Variants in NT5DC4 observed in about 807,000 individuals in gnomAD.
The protein encoded by NT5DC4 is 5'-nucleotidase domain-containing protein 4.
A neutral mutation model predicts 26.6 loss-of-function variants in NT5DC4; 44 were observed. That is an observed-to-expected ratio of 1.65 (90% CI 1.30 to 2.13). The LOEUF is 2.13. Ranked by LOEUF, NT5DC4 falls within the 30% of genes most tolerant of loss-of-function variation. The probability of loss-of-function intolerance (pLI) is 0.00; values close to 1 mark genes in which losing one functional copy is unlikely to be tolerated. For missense variants in NT5DC4, 399 were observed against 228.1 expected (o/e 1.75, Z -4.83); for synonymous variants, 157 against 86.7 (o/e 1.81, Z -4.51).
At chr2:112,737,470 TTAA>T (rs1202303279) in intron 16 of NT5DC4, 2 of 152,352 alleles carry the variant, frequency 1.3e-5, no homozygotes, top group South Asian at 2.1e-4. Flanking sequence ...ATTCTTATGA[TTAA>T]TGATGCTGAA....
In NT5DC4 at chr2:112,722,552, G is replaced by GT; in HGVS notation, c.433dup (p.Cys145LeufsTer13). 1 of 717,480 alleles carries GT rather than the reference G, an allele frequency of 1.4e-6. No homozygotes were observed. Among genetic ancestry groups the GT allele is most frequent in the Non-Finnish European group, 2.6e-6 (1 of 385,094 alleles). 44.4% of individuals were successfully genotyped at this position (717,480 alleles called of 1,614,324 possible). On this transcript the variant is annotated frameshift_variant, in exon 5 of 17. Transcript: ENST00000688554. LOFTEE classifies it high-confidence loss of function. The stretch of plus-strand genomic sequence containing the variant: ...AGTTCATTCAGAGGGACGACCTGCA[G>GT]TGTTTCTACATACTCAACATGCTCT...
intron 16 of NT5DC4, among the ~76,000 whole-genome samples, chr2:112,731,992 G>A (rs565308757): frequency 5.4e-4 from 77 of 143,874 alleles, no homozygotes; most frequent in African/African-American, 1.9e-3. Flanking sequence ...GCACGATCTC[G>A]GCTCCACCTC....
chr2:112,724,749 G>A, intron 10 of NT5DC4, 32 bp from the exon 11 acceptor site: 1 of 715,808 alleles, frequency 1.4e-6, no homozygotes, highest in Non-Finnish European at 2.6e-6. Flanking sequence ...TTACCAGGCT[G>A]TGTGTGTGCA....
At chr2:112,735,313 G>A (rs972796389) in intron 16 of NT5DC4, among the ~76,000 whole-genome samples, 4 of 152,066 alleles carry the variant, frequency 2.6e-5, no homozygotes, top group Non-Finnish European at 5.9e-5. Flanking sequence ...CAAAGTGCTG[G>A]GATTACAGGC....
intron 10 of NT5DC4, chr2:112,724,536 G>C: frequency 1.7e-6 from 1 of 583,422 alleles, no homozygotes; most frequent in South Asian, 2.0e-5. Context: ...GCTGTGAGGA[G>C]CTCTGGAGCC....
chr2:112,735,648 C>A (rs1679055673), intron 16 of NT5DC4, among the ~76,000 whole-genome samples: 1 of 152,178 alleles, frequency 6.6e-6, no homozygotes, highest in Admixed American at 6.5e-5. Flanking sequence ...TTCCTTCCCA[C>A]TCTCCCTCCT....
At chr2:112,719,961 TCTTTCTTTCTTTC>T (rs1676720986), upstream of NT5DC4, among the ~76,000 whole-genome samples, 1 of 128,384 alleles carries the variant, frequency 7.8e-6, no homozygotes, top group Non-Finnish European at 1.6e-5. Context: ...TTTCTTTCTT[TCTTTCTTTCTTTC>T]TTTCTTTCTT....
upstream of NT5DC4, among the ~76,000 whole-genome samples, chr2:112,720,012 C>CCCTT (rs770903380): frequency 0.077 from 7,532 of 97,628 alleles, 543 homozygotes; most frequent in Admixed American, 0.098. Flanking sequence ...CTTTTCTTTT[C>CCCTT]CCTTCCTTCC....
intron 16 of NT5DC4, chr2:112,738,655 TC>T: frequency 1.6e-6 from 1 of 606,316 alleles, no homozygotes. Context: ...GCAAAGATTT[TC>T]CCATGGGGAG....
rs746097938 is a variant in NT5DC4 at position 112,724,075 on chromosome 2, G to T, written c.757-19G>T. On this transcript the variant is annotated intron_variant, in intron 9 of 16. Transcript: ENST00000688554. ...GGTGGCCCAAGCTTGGTGCCCTGACGCTGCCTTGTCCTTGCCAGGCCATCA... is the reference window on the plus strand; with the variant it reads ...GGTGGCCCAAGCTTGGTGCCCTGACTCTGCCTTGTCCTTGCCAGGCCATCA... 2.8e-6 allele frequency: 2 copies of T among 716,974 alleles called. No homozygotes were observed. Among genetic ancestry groups the T allele is most frequent in the African/African-American group, 1.7e-5 (1 of 57,228 alleles). The allele number at this position is 716,974 out of a possible 1,614,324, so 44.4% of individuals were successfully genotyped here.
upstream of NT5DC4, among the ~76,000 whole-genome samples, chr2:112,719,982 CTTTCT>C (rs1676735946): frequency 1.4e-3 from 110 of 79,332 alleles, no homozygotes; most frequent in African/African-American, 4.6e-3. Context: ...TTCTTTCTTT[CTTTCT>C]TTTTCTTTTC....
chr2:112,740,904 CCT>C (rs1165036916), downstream of NT5DC4: 3 of 1,613,844 alleles, frequency 1.9e-6, no homozygotes, highest in Admixed American at 1.7e-5. Flanking sequence ...TGACTTGTTC[CCT>C]CTCTTTTGGA....
At chr2:112,742,422 CA>C, downstream of NT5DC4, 2 of 717,590 alleles carry the variant, frequency 2.8e-6, no homozygotes. Flanking sequence ...TCTCTTCCAG[CA>C]AAGAGCTGTT....
intron 14 of NT5DC4, 96 bp from the exon 15 acceptor site, chr2:112,726,582 G>A (rs1171342920): frequency 4.2e-6 from 3 of 710,226 alleles, no homozygotes; most frequent in African/African-American, 1.8e-5. Context: ...CCCGCACGGT[G>A]TCCCCCCACC....
intron 15 of NT5DC4, 164 bp downstream of exon 15, chr2:112,726,902 T>C: frequency 1.5e-6 from 1 of 646,014 alleles, no homozygotes; most frequent in East Asian, 2.7e-5. Flanking sequence ...CAGCGCCCTC[T>C]GCTGGCCGAC....
At chr2:112,724,418 G>T in intron 10 of NT5DC4, 1 of 580,690 alleles carries the variant, frequency 1.7e-6, no homozygotes, top group Non-Finnish European at 3.1e-6. Flanking sequence ...AGGGAGGGGT[G>T]CTGGGAGTGA....
intron 10 of NT5DC4, 155 bp from the exon 11 acceptor site, chr2:112,724,626 G>A (rs997977124): frequency 1.6e-6 from 1 of 615,198 alleles, no homozygotes; most frequent in African/African-American, 1.8e-5. Flanking sequence ...AGCTTGGCTG[G>A]GGAAGCTGGG....
chr2:112,729,836 T>G (rs1385601074), intron 16 of NT5DC4, 132 bp downstream of exon 16: 4 of 644,354 alleles, frequency 6.2e-6, no homozygotes, highest in Admixed American at 2.5e-5. Flanking sequence ...TGTTTTTGTC[T>G]GCAAGCATAG....
chr2:112,724,458 G>A lies in NT5DC4; in HGVS notation c.790-323G>A, dbSNP rs559382080. 397 of 567,868 alleles carry A rather than the reference G, an allele frequency of 7.0e-4. 1 individual carries two copies. The highest frequency in any genetic ancestry group is 6.9e-3 in the African/African-American group (368 of 53,436). The allele number at this position is 567,868 out of a possible 1,614,324, so 35.2% of individuals were successfully genotyped here. ...TCCTGGGCACTGGGAGTGACCAGGT[G>A]TCACTGGGCAGGCAGCAGGGCCCTA... is the stretch of plus-strand genomic sequence containing the variant. On this transcript the variant is annotated intron_variant, in intron 10 of 16. Transcript: ENST00000688554.
Sources: allele counts gnomAD v4.1 joint callset (sites outside exome capture counted in the v4.1 genomes callset), GRCh38; gene constraint gnomAD v4.1.1; transcripts MANE v1.5; gene names NCBI Gene and HGNC (gene_info 2026-07-23, HGNC 2026-07-21).